SPATS2: variants seen among roughly 807,000 people sequenced by gnomAD.
The protein encoded by SPATS2 is spermatogenesis-associated serine-rich protein 2.
SPATS2 carries 38 observed loss-of-function variants against 63.7 expected under a neutral mutation model. The ratio of observed to expected loss-of-function variants is 0.60; its 90% CI spans 0.46 to 0.78. SPATS2 has a LOEUF of 0.78. SPATS2 is among the 30% of genes least tolerant of loss of function. The pLI, the probability that SPATS2 is intolerant of heterozygous loss-of-function variation, is 0.00. For synonymous variants in SPATS2, 207 were observed against 232.9 expected, an observed-to-expected ratio of 0.89 and a Z score of 1.01; for missense variants, 588 against 666.2, an observed-to-expected ratio of 0.88 and a Z score of 1.29.
chr12:49,467,604 A>G (rs780757261), intron 3 of SPATS2, among the ~76,000 whole-genome samples: 5 of 152,170 alleles, frequency 3.3e-5, no homozygotes, highest in African/African-American at 7.2e-5. Flanking sequence ...TTGTCAGATG[A>G]TATTTTTCTC....
chr12:49,491,678 T>C (rs370758089), intron 6 of SPATS2, among the ~76,000 whole-genome samples: 1 of 152,216 alleles, frequency 6.6e-6, no homozygotes, highest in Non-Finnish European at 1.5e-5. Flanking sequence ...GTGACTGATA[T>C]TGCTTAACAT....
intron 7 of SPATS2, among the ~76,000 whole-genome samples, chr12:49,495,566 C>T (rs551890157): frequency 2.0e-4 from 30 of 152,292 alleles, no homozygotes; most frequent in African/African-American, 7.2e-4. Flanking sequence ...AATCATCTAA[C>T]TTGAACCCTA....
intron 12 of SPATS2, among the ~76,000 whole-genome samples, chr12:49,523,504 A>G (rs1050090056): frequency 1.3e-5 from 2 of 152,088 alleles, no homozygotes; most frequent in African/African-American, 2.4e-5. Context: ...AAAAAAATTA[A>G]TAAATAGGAG....
chr12:49,435,220 C>T (rs768116714), intron 2 of SPATS2, among the ~76,000 whole-genome samples: 126 of 151,606 alleles, frequency 8.3e-4, no homozygotes, highest in Non-Finnish European at 1.6e-3. Flanking sequence ...TTAGTAGAGG[C>T]GGGGTTTCAC....
At chr12:49,523,295 C>T (rs887250286) in intron 12 of SPATS2, among the ~76,000 whole-genome samples, 2 of 149,030 alleles carry the variant, frequency 1.3e-5, no homozygotes, top group Admixed American at 6.8e-5. Context: ...GGCAACATAG[C>T]GAGGTTCCAT....
intron 2 of SPATS2, among the ~76,000 whole-genome samples, chr12:49,424,769 C>A (rs1054805187): frequency 6.6e-6 from 1 of 152,114 alleles, no homozygotes; most frequent in Non-Finnish European, 1.5e-5. Flanking sequence ...CTCCGCCCCC[C>A]ACCAGATTCA....
intron 3 of SPATS2, among the ~76,000 whole-genome samples, chr12:49,483,137 GAA>G (rs201106429): frequency 8.5e-5 from 7 of 81,968 alleles, no homozygotes; most frequent in Admixed American, 2.7e-4. Context: ...GTTGTTAAAG[GAA>G]AAAAAAAAAA....
intron 2 of SPATS2, among the ~76,000 whole-genome samples, chr12:49,437,629 C>T (rs1458147683): frequency 6.6e-6 from 1 of 152,222 alleles, no homozygotes; most frequent in East Asian, 1.9e-4. Flanking sequence ...GAGCTGGAGA[C>T]CAGCCCGGCC....
intron 6 of SPATS2, among the ~76,000 whole-genome samples, chr12:49,492,188 G>A (rs1946393437): frequency 6.6e-6 from 1 of 151,522 alleles, no homozygotes; most frequent in Non-Finnish European, 1.5e-5. Flanking sequence ...TGAGTGTCCT[G>A]GAAAACACCA....
intron 2 of SPATS2, among the ~76,000 whole-genome samples, chr12:49,419,795 C>T (rs558123894): frequency 5.3e-5 from 8 of 152,226 alleles, no homozygotes; most frequent in Non-Finnish European, 8.8e-5. Context: ...ATTTAACATT[C>T]TTATGATTGT....
At position 49,378,222 on chromosome 12, in the gene SPATS2, C is replaced by T. The variant is rs906300931; in HGVS notation, c.-244+6932C>T. Among the ~76,000 whole-genome samples the T allele has an allele frequency of 1.1e-4, 16 of 151,652 alleles. No homozygotes were observed. The East Asian group carries it at 1.2e-3, about 11-fold the overall frequency. ...TCCTGACCTGATGATCTGCCCGCCTCGGCCTCCCAAAGTGCTGGGATATTT... is the reference window on the plus strand; with the variant it reads ...TCCTGACCTGATGATCTGCCCGCCTTGGCCTCCCAAAGTGCTGGGATATTT... On this transcript the variant is annotated intron_variant, in intron 2 of 13. Coordinates refer to ENST00000552918, the MANE Select transcript of SPATS2 (RefSeq NM_023071.4).
chr12:49,497,083 T>C, intron 8 of SPATS2, 74 bp downstream of exon 8: 1 of 1,408,266 alleles, frequency 7.1e-7, no homozygotes, highest in Non-Finnish European at 9.6e-7. Context: ...ATTATCTCTG[T>C]TGCCATAAAT....
At chr12:49,495,351 G>A (rs544918963) in intron 7 of SPATS2, among the ~76,000 whole-genome samples, 2 of 151,916 alleles carry the variant, frequency 1.3e-5, no homozygotes, top group Non-Finnish European at 1.5e-5. Flanking sequence ...CCGCCACCAC[G>A]CCTGGCTAAT....
At chr12:49,371,894 C>G (rs1944004071) in intron 2 of SPATS2, among the ~76,000 whole-genome samples, 1 of 151,514 alleles carries the variant, frequency 6.6e-6, no homozygotes, top group Non-Finnish European at 1.5e-5. Flanking sequence ...CTGGGGATTA[C>G]AATTTGACAG....
At chr12:49,389,971 A>G (rs1944391520) in intron 2 of SPATS2, 2 of 824,206 alleles carry the variant, frequency 2.4e-6, no homozygotes, top group African/African-American at 1.7e-5. Flanking sequence ...GAAGAAAGCC[A>G]TTGAAATTGA....
intron 2 of SPATS2, among the ~76,000 whole-genome samples, chr12:49,433,072 T>C (rs1945213561): frequency 2.0e-5 from 3 of 152,226 alleles, no homozygotes; most frequent in African/African-American, 7.2e-5. Context: ...TCTTTACTAA[T>C]ACTTATTTTA....
intron 4 of SPATS2, among the ~76,000 whole-genome samples, chr12:49,486,874 G>A (rs895585449): frequency 4.6e-5 from 7 of 151,660 alleles, no homozygotes; most frequent in African/African-American, 9.7e-5. Flanking sequence ...AGACTTTTTC[G>A]TGGATGAAAC....
At chr12:49,370,205 C>T (rs1015407707) in intron 1 of SPATS2, among the ~76,000 whole-genome samples, 4 of 152,192 alleles carry the variant, frequency 2.6e-5, no homozygotes, top group African/African-American at 9.6e-5. Context: ...AAGTAACTTA[C>T]ACAAAGTCAC....
At chr12:49,450,827 A>G (rs575223403) in intron 2 of SPATS2, among the ~76,000 whole-genome samples, 18 of 151,364 alleles carry the variant, frequency 1.2e-4, no homozygotes, top group Admixed American at 9.9e-4. Context: ...TACAGGCGCA[A>G]GCTACTGTGT....
Sources: gnomAD v4.1 joint callset for allele counts (sites outside exome capture counted in the v4.1 genomes callset) on GRCh38, gnomAD v4.1.1 for gene constraint, MANE v1.5 for transcripts, NCBI Gene and HGNC (gene_info 2026-07-23, HGNC 2026-07-21) for gene names.